CSMD1: variants seen among roughly 807,000 people sequenced by gnomAD.
The protein encoded by CSMD1 is CUB and sushi domain-containing protein 1.
A neutral mutation model predicts 417.5 loss-of-function variants in CSMD1; 213 were observed. That is an observed-to-expected ratio of 0.51 (90% CI 0.46 to 0.57). The LOEUF is 0.57. Among genes scored for constraint, CSMD1 ranks in the 20% least tolerant of loss-of-function variants. The probability of loss-of-function intolerance (pLI) is 0.00; values close to 1 mark genes in which losing one functional copy is unlikely to be tolerated. For missense variants in CSMD1, 6,923 were observed against 4,529.7 expected, an observed-to-expected ratio of 1.53 and a Z score of -15.17; for synonymous variants, 2,862 against 1,736.8, an observed-to-expected ratio of 1.65 and a Z score of -16.11.
chr8:4,904,236 G>A (rs1007035241), intron 1 of CSMD1, among the ~76,000 whole-genome samples: 1 of 152,098 alleles, frequency 6.6e-6, no homozygotes, highest in African/African-American at 2.4e-5. Flanking sequence ...ATCATAGAAA[G>A]CTCCAATTCC....
chr8:4,414,880 C>G (rs1177509038), intron 3 of CSMD1, among the ~76,000 whole-genome samples: 1 of 152,128 alleles, frequency 6.6e-6, no homozygotes, highest in African/African-American at 2.4e-5. Context: ...GAGGTGCCAT[C>G]TACTGGCTTC....
At chr8:3,974,914 T>G (rs560536771) in intron 5 of CSMD1, among the ~76,000 whole-genome samples, 1 of 152,278 alleles carries the variant, frequency 6.6e-6, no homozygotes, top group East Asian at 1.9e-4. Flanking sequence ...TCTACTACAA[T>G]AAAATTATCT....
intron 1 of CSMD1, among the ~76,000 whole-genome samples, chr8:4,744,537 T>A (rs1193711370): frequency 3.3e-5 from 5 of 152,218 alleles, no homozygotes; most frequent in Non-Finnish European, 5.9e-5. Flanking sequence ...TACCTGTCTA[T>A]ATTTAGAGTA....
At chr8:3,171,612 C>T (rs9692774) in intron 37 of CSMD1, among the ~76,000 whole-genome samples, 1 of 152,196 alleles carries the variant, frequency 6.6e-6, no homozygotes, top group East Asian at 1.9e-4. Flanking sequence ...ACAGAGAATT[C>T]TTTCAAGTTT....
At chr8:3,967,285 G>A (rs567349182) in intron 5 of CSMD1, among the ~76,000 whole-genome samples, 1 of 151,580 alleles carries the variant, frequency 6.6e-6, no homozygotes, top group South Asian at 2.1e-4. Flanking sequence ...TACTGTTCTT[G>A]TTCCCTTTGT....
At chr8:4,668,587 A>C (rs376769413) in intron 1 of CSMD1, among the ~76,000 whole-genome samples, 1 of 151,652 alleles carries the variant, frequency 6.6e-6, no homozygotes, top group African/African-American at 2.4e-5. Context: ...GAAGCTGGGA[A>C]TACAGGCGTC....
chr8:4,262,932 G>C (rs947370791), intron 3 of CSMD1, among the ~76,000 whole-genome samples: 16 of 152,108 alleles, frequency 1.1e-4, no homozygotes, highest in African/African-American at 3.9e-4. Context: ...TGAACCATAA[G>C]AACATTAGTT....
At chr8:3,062,931 C>G (rs560075203) in intron 49 of CSMD1, among the ~76,000 whole-genome samples, 2 of 151,798 alleles carry the variant, frequency 1.3e-5, no homozygotes, top group African/African-American at 4.8e-5. Flanking sequence ...GTCTTTTTTT[C>G]GGAATATAAA....
chr8:4,157,926 A>G (rs1451515055), intron 3 of CSMD1, among the ~76,000 whole-genome samples: 1 of 152,172 alleles, frequency 6.6e-6, no homozygotes, highest in Non-Finnish European at 1.5e-5. Context: ...CCTGAGGTTA[A>G]GCAAGCTGTA....
At chr8:4,156,692 G>T (rs568350343) in intron 3 of CSMD1, among the ~76,000 whole-genome samples, 1 of 152,088 alleles carries the variant, frequency 6.6e-6, no homozygotes, top group African/African-American at 2.4e-5. Flanking sequence ...TGTACTGTCA[G>T]GGGCCCAAGA....
At chr8:3,821,013 T>A (rs559586396) in intron 5 of CSMD1, among the ~76,000 whole-genome samples, 1 of 151,732 alleles carries the variant, frequency 6.6e-6, no homozygotes, top group South Asian at 2.1e-4. Context: ...ACATCCCGGG[T>A]TCAAGCGATT....
At chr8:3,640,556 G>A (rs1797256930) in intron 7 of CSMD1, among the ~76,000 whole-genome samples, 1 of 152,130 alleles carries the variant, frequency 6.6e-6, no homozygotes, top group African/African-American at 2.4e-5. Context: ...TTTTTCCACT[G>A]GATTGGACAA....
chr8:2,966,807 C>T (rs1253170651), intron 57 of CSMD1, 61 bp from the exon 58 acceptor site: 17 of 1,501,536 alleles, frequency 1.1e-5, no homozygotes, highest in African/African-American at 2.8e-5. Context: ...AAATGGCAAA[C>T]ACAAGAGACC....
intron 5 of CSMD1, among the ~76,000 whole-genome samples, chr8:3,896,880 C>T (rs1014803263): frequency 6.6e-6 from 1 of 151,910 alleles, no homozygotes; most frequent in East Asian, 1.9e-4. Flanking sequence ...TTGTCTATCA[C>T]CTAATTCTAT....
At chr8:3,385,961 T>C (rs936993021) in intron 18 of CSMD1, among the ~76,000 whole-genome samples, 6 of 152,122 alleles carry the variant, frequency 3.9e-5, no homozygotes, top group Non-Finnish European at 7.4e-5. Flanking sequence ...TGTCGTGAAA[T>C]AGAAGAGGAA....
intron 1 of CSMD1, among the ~76,000 whole-genome samples, chr8:4,822,298 C>G (rs892909322): frequency 2.0e-5 from 3 of 152,086 alleles, no homozygotes; most frequent in Non-Finnish European, 2.9e-5. Context: ...CACCAGATAC[C>G]ACTGAAGCCT....
intron 3 of CSMD1, among the ~76,000 whole-genome samples, chr8:4,092,753 A>G (rs10216842): frequency 0.037 from 5,623 of 152,260 alleles, 225 homozygotes; most frequent in African/African-American, 0.095. Flanking sequence ...TTCTTTAAAT[A>G]TAACTTTTAT....
chr8:4,760,633 T>C (rs1368418795), intron 1 of CSMD1, among the ~76,000 whole-genome samples: 1 of 152,220 alleles, frequency 6.6e-6, no homozygotes, highest in Non-Finnish European at 1.5e-5. Flanking sequence ...ACAATATTGT[T>C]GTATAAGTAT....
intron 3 of CSMD1, among the ~76,000 whole-genome samples, chr8:4,164,052 C>T (rs989092602): frequency 1.3e-5 from 2 of 152,098 alleles, no homozygotes; most frequent in Non-Finnish European, 2.9e-5. Flanking sequence ...ATTCCCTTCT[C>T]TTCTTTATAA....
Sources: gnomAD v4.1 joint callset for allele counts (sites outside exome capture counted in the v4.1 genomes callset) on GRCh38, gnomAD v4.1.1 for gene constraint, MANE v1.5 for transcripts, NCBI Gene and HGNC (gene_info 2026-07-23, HGNC 2026-07-21) for gene names.